STAT4: variants seen among roughly 807,000 people sequenced by gnomAD.
STAT4 encodes signal transducer and activator of transcription 4.
STAT4 carries 42 observed loss-of-function variants against 110.5 expected under a neutral mutation model. The ratio of observed to expected loss-of-function variants is 0.38; its 90% CI spans 0.30 to 0.49. STAT4 has a LOEUF of 0.49. STAT4 is among the 20% of genes least tolerant of loss of function. The pLI, the probability that STAT4 is intolerant of heterozygous loss-of-function variation, is 0.95. For missense variants in STAT4, 632 were observed against 887.9 expected, an observed-to-expected ratio of 0.71 and a Z score of 3.66; for synonymous variants, 284 against 302.2, an observed-to-expected ratio of 0.94 and a Z score of 0.63.
intron 3 of STAT4, among the ~76,000 whole-genome samples, chr2:191,087,501 T>A (rs1037828696): frequency 2.7e-4 from 41 of 152,030 alleles, no homozygotes; most frequent in African/African-American, 8.9e-4. Flanking sequence ...CCACGCTCCC[T>A]CCCCTTTCCA....
chr2:191,073,614 T>G (rs1697227979), intron 4 of STAT4, among the ~76,000 whole-genome samples: 1 of 152,146 alleles, frequency 6.6e-6, no homozygotes, highest in Non-Finnish European at 1.5e-5. Context: ...CACTTGAACC[T>G]GGGAGGCAGA....
intron 5 of STAT4, among the ~76,000 whole-genome samples, chr2:191,072,259 T>C (rs1182450356): frequency 6.6e-6 from 1 of 152,214 alleles, no homozygotes; most frequent in East Asian, 1.9e-4. Context: ...AATAATCTCC[T>C]GCCTTGCATG....
Position 191,146,786 on chromosome 2 carries a change from A to C in STAT4, c.129-29T>G. The C allele has an allele frequency of 6.7e-7, 1 of 1,481,520 alleles. No homozygotes were observed. The highest frequency in any genetic ancestry group is 9.0e-7 in the Non-Finnish European group (1 of 1,114,382). The allele number at this position is 1,481,520 out of a possible 1,614,324, so 91.8% of individuals were successfully genotyped here. ...AAAAAAAAAAGGATTATTACACAAC[A>C]GAAAACAACTTTGTAAAATGTCTAC... On this transcript the variant is annotated intron_variant, in intron 2 of 23. Transcript: ENST00000392320. The surrounding 1 kb of genome is among the most constrained non-coding windows in gnomAD (Gnocchi z 4.5).
intron 13 of STAT4, among the ~76,000 whole-genome samples, chr2:191,056,634 T>A (rs911498397): frequency 6.6e-6 from 1 of 152,202 alleles, no homozygotes; most frequent in African/African-American, 2.4e-5. Context: ...CATGTGATAT[T>A]TTGATACATG....
intron 3 of STAT4, among the ~76,000 whole-genome samples, chr2:191,139,123 CAAACCTACAGCCAA>C (rs1699254814): frequency 6.6e-6 from 1 of 151,824 alleles, no homozygotes; most frequent in Non-Finnish European, 1.5e-5. Flanking sequence ...CCATATATGA[CAAACCTACAGCCAA>C]CATTATACTG....
upstream of STAT4, chr2:191,151,219 C>A: frequency 4.1e-6 from 4 of 985,666 alleles, no homozygotes; most frequent in Non-Finnish European, 3.6e-6. This position sits in a 1 kb window ranked among gnomAD's most constrained non-coding sequence, Gnocchi z 4.7. Flanking sequence ...TCCCTCCCAG[C>A]GGCTCTCGCA....
chr2:191,033,679 T>C lies in STAT4; in HGVS notation c.1716-53A>G, dbSNP rs1574692677. 6.3e-7 allele frequency: 1 copy of C among 1,589,932 alleles called. No homozygotes were observed. The highest frequency in any genetic ancestry group is 1.2e-5 in the South Asian group (1 of 86,844). Reference sequence around the variant, plus strand: ...CTGATCATTATTGGATTTTCACTTATTGCATTTACAAAGACCTACAGTTTG... The same window carrying C: ...CTGATCATTATTGGATTTTCACTTACTGCATTTACAAAGACCTACAGTTTG... On this transcript the variant is annotated intron_variant, in intron 19 of 23. Transcript: ENST00000392320. This position sits in a 1 kb window ranked among gnomAD's most constrained non-coding sequence, Gnocchi z 6.9.
rs1330523115 is a variant in STAT4 at position 191,117,467 on chromosome 2, A to G, written c.273+29146T>C. Among the ~76,000 whole-genome samples, 2 of 152,176 alleles carry G rather than the reference A, an allele frequency of 1.3e-5. No individual in the cohort carries two copies. The highest frequency in any genetic ancestry group is 3.8e-4 in the East Asian group (2 of 5,200). On this transcript the variant is annotated intron_variant, in intron 3 of 23. Coordinates refer to ENST00000392320, the MANE Select transcript of STAT4 (RefSeq NM_003151.4). The surrounding 1 kb of genome is among the most constrained non-coding windows in gnomAD (Gnocchi z 5.2). ...ACTTCTACAACTCCCATTAGACTCT[A>G]TCTTTATTACTGTAAGTCGATTCTC...
chr2:191,061,107 A>T lies in STAT4; in HGVS notation c.1034+622T>A, dbSNP rs1160467515. On this transcript the variant is annotated intron_variant, in intron 10 of 23. Transcript: ENST00000392320. This position sits in a 1 kb window ranked among gnomAD's most constrained non-coding sequence, Gnocchi z 6.2. ...GGGAAAACTGTAAGTTTTGACGCTA[A>T]TGCTAATAGGATCAAATTCACAGAG... Among the ~76,000 whole-genome samples the T allele has an allele frequency of 2.0e-5, 3 of 152,354 alleles. No homozygotes were observed. The highest frequency in any genetic ancestry group is 2.1e-4 in the South Asian group (1 of 4,834).
In STAT4 at chr2:191,150,636, T is replaced by G. The variant is rs1021430039; in HGVS notation, c.-2+311A>C. On this transcript the variant is annotated intron_variant, in intron 1 of 23. Coordinates refer to ENST00000392320, the MANE Select transcript of STAT4 (RefSeq NM_003151.4). This position sits in a 1 kb window ranked among gnomAD's most constrained non-coding sequence, Gnocchi z 6.4. ...GCTCTAGAGAAGCTGGCTAAGAAAG[T>G]GAAGAGGGGCTCACTTTCAGCCTCC... 1.3e-5 allele frequency among the ~76,000 whole-genome samples: 2 copies of G among 152,108 alleles called. No homozygotes were observed. Among genetic ancestry groups the G allele is most frequent in the Non-Finnish European group, 1.5e-5 (1 of 68,008 alleles).
In STAT4 at chr2:191,147,957, GT is replaced by G. The variant is rs151157836; in HGVS notation, c.128+118del. ...GGAAGGCTTTCAAATCCTTGAGAAAGTTCTTTACCTGAAAAGAATGCATCTA... is the reference window on the plus strand; with the variant it reads ...GGAAGGCTTTCAAATCCTTGAGAAAGTCTTTACCTGAAAAGAATGCATCTA... On this transcript the variant is annotated intron_variant, in intron 2 of 23. Transcript: ENST00000392320. This position sits in a 1 kb window ranked among gnomAD's most constrained non-coding sequence, Gnocchi z 4.1. The G allele has an allele frequency of 1.3e-3, 1,755 of 1,378,040 alleles. 10 individuals are homozygous for G. In the African/African-American group the frequency reaches 0.021, roughly 16 times the overall value. The allele number at this position is 1,378,040 out of a possible 1,614,324, so 85.4% of individuals were successfully genotyped here.
At chr2:191,065,732 T>C (rs2125239673) in intron 7 of STAT4, among the ~76,000 whole-genome samples, 1 of 152,266 alleles carries the variant, frequency 6.6e-6, no homozygotes, top group South Asian at 2.1e-4. Context: ...AGGGTGAAAA[T>C]AAATGTTATA....
intron 14 of STAT4, among the ~76,000 whole-genome samples, chr2:191,045,405 T>C (rs905746591): frequency 1.3e-5 from 2 of 152,216 alleles, no homozygotes; most frequent in African/African-American, 4.8e-5. Context: ...TTATTCTCAA[T>C]GTGTGTATCC....
Position 191,031,279 on chromosome 2 carries a change from A to T in STAT4, c.2111+171T>A. On this transcript the variant is annotated intron_variant, in intron 22 of 23. Transcript: ENST00000392320. This position sits in a 1 kb window ranked among gnomAD's most constrained non-coding sequence, Gnocchi z 4.8. Reference sequence around the variant, plus strand: ...AAAGGGGAATTTTATAATTTTAGGCACAATAGATTGTGGTAAGTGTGCCCT... The same window carrying T: ...AAAGGGGAATTTTATAATTTTAGGCTCAATAGATTGTGGTAAGTGTGCCCT... The T allele has an allele frequency of 1.1e-6, 1 of 899,076 alleles. No homozygotes were observed. Among genetic ancestry groups the T allele is most frequent in the Non-Finnish European group, 1.7e-6 (1 of 597,296 alleles). The allele number at this position is 899,076 out of a possible 1,614,324, so 55.7% of individuals were successfully genotyped here.
chr2:191,117,305 C>T lies in STAT4; in HGVS notation c.273+29308G>A, dbSNP rs1220628575. Reference sequence around the variant, plus strand: ...TATTTTAGCAGAGAAATACAAGTTTCTAATAGCTTAAGGCTGTTCTGACTT... The same window carrying T: ...TATTTTAGCAGAGAAATACAAGTTTTTAATAGCTTAAGGCTGTTCTGACTT... On this transcript the variant is annotated intron_variant, in intron 3 of 23. Transcript: ENST00000392320. The surrounding 1 kb of genome is among the most constrained non-coding windows in gnomAD (Gnocchi z 5.2). Among the ~76,000 whole-genome samples, 1 of 152,208 alleles carries T rather than the reference C, an allele frequency of 6.6e-6. No individual in the cohort carries two copies. The highest frequency in any genetic ancestry group is 2.4e-5 in the African/African-American group (1 of 41,452).
At chr2:191,121,512 G>A (rs1698726869) in intron 3 of STAT4, among the ~76,000 whole-genome samples, 1 of 151,968 alleles carries the variant, frequency 6.6e-6, no homozygotes, top group Non-Finnish European at 1.5e-5. Context: ...GCAAAAACTT[G>A]GAACCAACCC....
chr2:191,117,498 T>A lies in STAT4; in HGVS notation c.273+29115A>T, dbSNP rs775568157. Among the ~76,000 whole-genome samples, 2 of 152,220 alleles carry A rather than the reference T, an allele frequency of 1.3e-5. No individual in the cohort carries two copies. Among genetic ancestry groups the A allele is most frequent in the Non-Finnish European group, 2.9e-5 (2 of 68,050 alleles). On this transcript the variant is annotated intron_variant, in intron 3 of 23. Transcript: ENST00000392320. The surrounding 1 kb of genome is among the most constrained non-coding windows in gnomAD (Gnocchi z 5.2). Reference sequence around the variant, plus strand: ...ATTACTGTAAGTCGATTCTCATCTATCTAAAGTAATTGCAGCATGTGATTA... The same window carrying A: ...ATTACTGTAAGTCGATTCTCATCTAACTAAAGTAATTGCAGCATGTGATTA...
rs1699305456 is a variant in STAT4 at position 191,140,961 on chromosome 2, A to G, written c.273+5652T>C. On this transcript the variant is annotated intron_variant, in intron 3 of 23. Coordinates refer to ENST00000392320, the MANE Select transcript of STAT4 (RefSeq NM_003151.4). The surrounding 1 kb of genome is among the most constrained non-coding windows in gnomAD (Gnocchi z 4.4). ...AGCAACCTGGATAAAACTGGAGGGC[A>G]TTATTCTAAGTGAAGTAACTCATAA... Among the ~76,000 whole-genome samples, 1 of 152,224 alleles carries G rather than the reference A, an allele frequency of 6.6e-6. No homozygotes were observed. Among genetic ancestry groups the G allele is most frequent in the African/African-American group, 2.4e-5 (1 of 41,458 alleles).
chr2:191,032,803 C>T lies in STAT4; in HGVS notation c.2044+155G>A. 1.4e-6 allele frequency: 1 copy of T among 732,058 alleles called. No individual in the cohort carries two copies. Among genetic ancestry groups the T allele is most frequent in the Non-Finnish European group, 2.2e-6 (1 of 464,718 alleles). 45.3% of individuals were successfully genotyped at this position (732,058 alleles called of 1,614,324 possible). ...TCCCTTTTCAGGAACTGCTGACATACCACTTCATTTCTAAGGCTTTGACCT... is the reference window on the plus strand; with the variant it reads ...TCCCTTTTCAGGAACTGCTGACATATCACTTCATTTCTAAGGCTTTGACCT... On this transcript the variant is annotated intron_variant, in intron 21 of 23. Coordinates refer to ENST00000392320, the MANE Select transcript of STAT4 (RefSeq NM_003151.4). The surrounding 1 kb of genome is among the most constrained non-coding windows in gnomAD (Gnocchi z 4.9).
Sources: allele counts gnomAD v4.1 joint callset (sites outside exome capture counted in the v4.1 genomes callset), GRCh38; gene constraint gnomAD v4.1.1; non-coding constraint Gnocchi (gnomAD v3.1); transcripts MANE v1.5; gene names NCBI Gene and HGNC (gene_info 2026-07-23, HGNC 2026-07-21).